Variants in DAB1 observed in about 807,000 individuals in gnomAD.
DAB1 encodes the protein DAB adaptor protein 1, also known as disabled homolog 1.
In DAB1, 15 loss-of-function variants were observed where a neutral mutation model predicts 64.6. That is an observed-to-expected ratio of 0.23 (90% confidence interval 0.16 to 0.36). The LOEUF (loss-of-function observed/expected upper bound fraction) is 0.36. Ranked by LOEUF, DAB1 falls within the 10% of genes least tolerant of loss-of-function variation. The pLI is 1.00. For missense variants in DAB1, 596 were observed against 706.7 expected (o/e 0.84, Z 1.78); for synonymous variants, 235 against 251.9 (o/e 0.93, Z 0.64).
At chr1:58,161,568 A>T (rs1207608849) in intron 4 of DAB1, among the ~76,000 whole-genome samples, 2 of 152,192 alleles carry the variant, frequency 1.3e-5, no homozygotes, top group Non-Finnish European at 2.9e-5. Context: ...ACTGAGTGCC[A>T]AATACTGTTC....
intron 3 of DAB1, among the ~76,000 whole-genome samples, chr1:58,436,470 T>C (rs919329002): frequency 3.3e-5 from 5 of 152,168 alleles, no homozygotes; most frequent in African/African-American, 7.2e-5. Context: ...CTGGTCACCA[T>C]ATTCTTAGTG....
chr1:57,001,602 A>G (rs1210947777), intron 14 of DAB1, among the ~76,000 whole-genome samples: 1 of 152,110 alleles, frequency 6.6e-6, no homozygotes, highest in African/African-American at 2.4e-5. Flanking sequence ...CTTGTCACTC[A>G]AAGGAAAAGG....
intron 7 of DAB1, among the ~76,000 whole-genome samples, chr1:57,562,723 A>G (rs1053400861): frequency 2.0e-5 from 3 of 152,190 alleles, no homozygotes; most frequent in Non-Finnish European, 4.4e-5. Flanking sequence ...TTCCCATGAC[A>G]TTACATTCTG....
chr1:57,689,043 A>G (rs888955300), intron 6 of DAB1, among the ~76,000 whole-genome samples: 30 of 152,240 alleles, frequency 2.0e-4, no homozygotes, highest in African/African-American at 6.8e-4. Flanking sequence ...ACACCTGCAC[A>G]TGTACCCATT....
intron 7 of DAB1, among the ~76,000 whole-genome samples, chr1:57,578,986 T>C (rs1645282119): frequency 6.6e-6 from 1 of 152,186 alleles, no homozygotes; most frequent in Admixed American, 6.5e-5. Flanking sequence ...TCCAGCTACT[T>C]TGGATGAATT....
intron 4 of DAB1, among the ~76,000 whole-genome samples, chr1:57,092,201 A>G (rs1353881031): frequency 1.3e-5 from 2 of 152,200 alleles, no homozygotes. Context: ...CAACAAAATC[A>G]TTTATTGACT....
intron 6 of DAB1, among the ~76,000 whole-genome samples, chr1:57,673,803 C>T (rs1330768787): frequency 3.9e-5 from 6 of 152,150 alleles, no homozygotes; most frequent in Admixed American, 3.9e-4. Flanking sequence ...CTTAGGCTTT[C>T]TAGTCATAGA....
At chr1:58,313,819 A>ATGTG (rs35817738) in intron 4 of DAB1, among the ~76,000 whole-genome samples, 17,098 of 119,202 alleles carry the variant, frequency 0.14, 1,462 homozygotes, top group Admixed American at 0.22. Context: ...TTGTATCTTC[A>ATGTG]TGTGTGTGTG....
intron 10 of DAB1, among the ~76,000 whole-genome samples, chr1:57,025,192 C>A (rs776673236): frequency 6.6e-6 from 1 of 152,222 alleles, no homozygotes; most frequent in Non-Finnish European, 1.5e-5. Flanking sequence ...GCTGGAGGGG[C>A]CATCTCGGCT....
At chr1:58,545,820 T>G (rs1283743270) in intron 1 of DAB1, among the ~76,000 whole-genome samples, 1 of 152,170 alleles carries the variant, frequency 6.6e-6, no homozygotes, top group African/African-American at 2.4e-5. Flanking sequence ...ACATGTACTT[T>G]AAAATAATCA....
chr1:57,584,977 C>T (rs561913321), intron 7 of DAB1, among the ~76,000 whole-genome samples: 8 of 152,274 alleles, frequency 5.3e-5, no homozygotes, highest in East Asian at 1.9e-4. Context: ...CTCGGCCAGG[C>T]GCGGTGGCTT....
intron 7 of DAB1, among the ~76,000 whole-genome samples, chr1:57,445,298 A>C (rs564041078): frequency 1.3e-5 from 2 of 152,206 alleles, no homozygotes; most frequent in African/African-American, 4.8e-5. Context: ...CTTAAAGATG[A>C]AACTAGGTAA....
At chr1:57,263,175 G>A (rs1558048129) in intron 2 of DAB1, among the ~76,000 whole-genome samples, 1 of 151,586 alleles carries the variant, frequency 6.6e-6, no homozygotes, top group Non-Finnish European at 1.5e-5. Flanking sequence ...GAGTGCAATG[G>A]CACAATCTCG....
At chr1:58,069,744 T>G (rs1200257093) in intron 5 of DAB1, among the ~76,000 whole-genome samples, 2 of 152,122 alleles carry the variant, frequency 1.3e-5, no homozygotes, top group Non-Finnish European at 2.9e-5. Flanking sequence ...ACGAACCCAA[T>G]GAGATAAAAA....
chr1:57,451,517 C>A (rs1251073348), intron 7 of DAB1, among the ~76,000 whole-genome samples: 1 of 152,128 alleles, frequency 6.6e-6, no homozygotes, highest in Non-Finnish European at 1.5e-5. Flanking sequence ...AAATTGAAAT[C>A]ATTTTCCTTG....
intron 3 of DAB1, among the ~76,000 whole-genome samples, chr1:58,381,129 C>G (rs2406790): frequency 0.24 from 36,797 of 151,922 alleles, 4,645 homozygotes; most frequent in African/African-American, 0.32. Flanking sequence ...GAAAAACACA[C>G]GCTGGAGCCT....
Position 57,010,676 on chromosome 1 carries a change from C to A in DAB1, c.*15+4G>T. The A allele has an allele frequency of 6.7e-7, 1 of 1,483,884 alleles. No individual in the cohort carries two copies. The highest frequency in any genetic ancestry group is 2.2e-5 in the Admixed American group (1 of 46,456). 91.9% of individuals were successfully genotyped at this position (1,483,884 alleles called of 1,614,324 possible). A position where few individuals can be genotyped will look rare whatever the true frequency, so the allele number is the denominator to read the frequency against. ...TAAAGGAGATAAAAAGGACAGATAC[C>A]TACCCAGACCTGCGCTATCTAGCTA... is the stretch of plus-strand genomic sequence containing the variant. On this transcript the variant is annotated splice_donor_region_variant and intron_variant, in intron 14 of 14. Transcript: ENST00000371236.
Position 58,538,814 on chromosome 1 carries a change from A to G in DAB1, n.32+7889T>C, listed in dbSNP as rs747467736. The stretch of plus-strand genomic sequence containing the variant: ...TTTTACCTGCCTACAATGATTGCAA[A>G]TAACTTCTGTACTGGTTTAAGAATC... On this transcript the variant is annotated intron_variant and non_coding_transcript_variant, in intron 1 of 20. Coordinates refer to the DAB1 transcript ENST00000485760. 7 of 817,770 alleles carry G rather than the reference A, an allele frequency of 8.6e-6. No individual in the cohort carries two copies. The Admixed American group carries it at 1.3e-4, about 16-fold the overall frequency. 50.7% of individuals were successfully genotyped at this position (817,770 alleles called of 1,614,324 possible).
intron 2 of DAB1, among the ~76,000 whole-genome samples, chr1:57,188,630 A>G (rs556004021): frequency 4.1e-4 from 51 of 125,534 alleles, no homozygotes; most frequent in African/African-American, 1.1e-3. Flanking sequence ...CAAAGTCCCA[A>G]TGCTTTCCCA....
Sources: gnomAD v4.1 joint callset for allele counts (sites outside exome capture counted in the v4.1 genomes callset) on GRCh38, gnomAD v4.1.1 for gene constraint, MANE v1.5 for transcripts, NCBI Gene and HGNC (gene_info 2026-07-23, HGNC 2026-07-21) for gene names.